Variants in RBMS3 observed in about 807,000 individuals in gnomAD.
The protein encoded by RBMS3 is RNA binding motif single stranded interacting protein 3, also known as RNA-binding motif, single-stranded-interacting protein 3.
A neutral mutation model predicts 66.8 loss-of-function variants in RBMS3; 27 were observed. That is an observed-to-expected ratio of 0.40 (90% CI 0.30 to 0.56). RBMS3 has a LOEUF of 0.56. Ranked by LOEUF, RBMS3 falls within the 20% of genes least tolerant of loss-of-function variation. The probability of loss-of-function intolerance (pLI) is 0.40; values close to 1 mark genes in which losing one functional copy is unlikely to be tolerated. For missense variants in RBMS3, 513 were observed against 549.5 expected, an observed-to-expected ratio of 0.93 and a Z score of 0.66; for synonymous variants, 188 against 183.0, an observed-to-expected ratio of 1.03 and a Z score of -0.22.
chr3:29,412,425 C>T (rs1352976992), intron 1 of RBMS3, among the ~76,000 whole-genome samples: 7 of 151,998 alleles, frequency 4.6e-5, no homozygotes, highest in Admixed American at 4.6e-4. Context: ...ACCACAGCCC[C>T]AGAAGCATAA....
chr3:29,350,535 T>A (rs1284971052), intron 1 of RBMS3, among the ~76,000 whole-genome samples: 1 of 152,142 alleles, frequency 6.6e-6, no homozygotes, highest in African/African-American at 2.4e-5. Flanking sequence ...CCTAAGCATC[T>A]CATGTATGTA....
intron 2 of RBMS3, among the ~76,000 whole-genome samples, chr3:29,460,332 T>C (rs1249396061): frequency 3.9e-5 from 6 of 152,248 alleles, no homozygotes; most frequent in Admixed American, 3.9e-4. Context: ...TTTGTGTGTT[T>C]TCCACATAGT....
chr3:29,326,952 G>A (rs1284592209), intron 1 of RBMS3, among the ~76,000 whole-genome samples: 4 of 152,010 alleles, frequency 2.6e-5, no homozygotes, highest in Non-Finnish European at 1.5e-5. Flanking sequence ...GGATGGTCTC[G>A]ATCTCCTGAC....
Position 29,739,734 on chromosome 3 carries a change from C to A in RBMS3, c.414C>A (p.Asp138Glu). Residue 138 changes from aspartate (D) to glutamate (E), a missense_variant, in exon 5 of 15, where the codon GAC becomes GAA. Asp to Glu is a conservative substitution (Grantham distance 45). Coordinates refer to ENST00000383767, the MANE Select transcript of RBMS3 (RefSeq NM_001003793.3). Reference sequence around the variant, plus strand: ...CCTTCCCTTAGCAACAAGAGCAAGACCCAACAAACCTATACATCTCAAATC... The same window carrying A: ...CCTTCCCTTAGCAACAAGAGCAAGAACCAACAAACCTATACATCTCAAATC... Reference protein sequence around the residue: ...QAQMAKQQEQDPTNLYISNLP... With the variant: ...QAQMAKQQEQEPTNLYISNLP... The A allele has an allele frequency of 6.2e-7, 1 of 1,603,372 alleles. No individual in the cohort carries two copies. Among genetic ancestry groups the A allele is most frequent in the Non-Finnish European group, 8.5e-7 (1 of 1,176,264 alleles).
chr3:29,898,560 T>A (rs1372302782), intron 9 of RBMS3, among the ~76,000 whole-genome samples: 1 of 151,686 alleles, frequency 6.6e-6, no homozygotes, highest in Non-Finnish European at 1.5e-5. Flanking sequence ...TTTCTTTCTT[T>A]TTCTGCACTC....
At chr3:29,636,367 A>G (rs942812090) in intron 4 of RBMS3, among the ~76,000 whole-genome samples, 3 of 151,910 alleles carry the variant, frequency 2.0e-5, no homozygotes. Flanking sequence ...TATCCTTTGA[A>G]GTTAATGATA....
intron 10 of RBMS3, among the ~76,000 whole-genome samples, chr3:29,928,207 T>TACAC (rs1462382952): frequency 7.8e-4 from 88 of 112,240 alleles, no homozygotes; most frequent in African/African-American, 2.0e-3. Context: ...TATATATATA[T>TACAC]ATATACACAC....
chr3:29,521,046 A>G (rs2044837909), intron 3 of RBMS3, among the ~76,000 whole-genome samples: 1 of 151,984 alleles, frequency 6.6e-6, no homozygotes, highest in African/African-American at 2.4e-5. Flanking sequence ...TTATTATCTA[A>G]AATAGCACCC....
At chr3:29,563,320 T>C (rs993152631) in intron 3 of RBMS3, among the ~76,000 whole-genome samples, 1 of 152,238 alleles carries the variant, frequency 6.6e-6, no homozygotes, top group Admixed American at 6.5e-5. Context: ...AACACTCTCC[T>C]AAATTGCTTG....
chr3:29,646,723 C>A (rs2049937085), intron 4 of RBMS3, among the ~76,000 whole-genome samples: 1 of 150,364 alleles, frequency 6.7e-6, no homozygotes, highest in Non-Finnish European at 1.5e-5. Context: ...TTCTTCCCTT[C>A]CCTTCCCTGT....
chr3:29,978,275 G>A (rs1363407183), intron 12 of RBMS3, among the ~76,000 whole-genome samples: 1 of 152,156 alleles, frequency 6.6e-6, no homozygotes, highest in East Asian at 1.9e-4. Flanking sequence ...GTCACTTCCT[G>A]AGGATTTACC....
intron 1 of RBMS3, among the ~76,000 whole-genome samples, chr3:29,431,470 T>C (rs759023849): frequency 1.3e-4 from 19 of 151,954 alleles, no homozygotes; most frequent in Non-Finnish European, 2.4e-4. Flanking sequence ...TTTTTGTATT[T>C]TTAGTAGAGA....
chr3:29,549,634 A>G (rs1232385370), intron 3 of RBMS3, among the ~76,000 whole-genome samples: 1 of 152,060 alleles, frequency 6.6e-6, no homozygotes, highest in Non-Finnish European at 1.5e-5. Flanking sequence ...ACCTGACCTC[A>G]GGTGATTCGC....
chr3:29,756,673 C>A (rs2055429626), intron 5 of RBMS3, among the ~76,000 whole-genome samples: 2 of 152,092 alleles, frequency 1.3e-5, no homozygotes, highest in South Asian at 4.1e-4. Context: ...GGGGACACAG[C>A]AAAACCATAT....
intron 6 of RBMS3, among the ~76,000 whole-genome samples, chr3:29,828,978 C>CT (rs977862477): frequency 1.7e-4 from 1 of 6,052 alleles, no homozygotes; most frequent in Non-Finnish European, 4.2e-4. Context: ...TAGCGAGTGA[C>CT]TTTCTTTCTT....
intron 1 of RBMS3, among the ~76,000 whole-genome samples, chr3:29,345,155 C>T (rs749035805): frequency 6.6e-6 from 1 of 152,182 alleles, no homozygotes; most frequent in Non-Finnish European, 1.5e-5. Flanking sequence ...TGACTGGGGT[C>T]CTCCCATTCA....
chr3:29,574,102 G>A (rs759827871), intron 3 of RBMS3, among the ~76,000 whole-genome samples: 1 of 152,106 alleles, frequency 6.6e-6, no homozygotes, highest in Non-Finnish European at 1.5e-5. Context: ...GATTAACTCT[G>A]ATGTTTCTTT....
intron 3 of RBMS3, among the ~76,000 whole-genome samples, chr3:29,534,229 A>T (rs2045468982): frequency 6.6e-6 from 1 of 152,194 alleles, no homozygotes; most frequent in Non-Finnish European, 1.5e-5. Flanking sequence ...CAACATCCTG[A>T]GCTAAGCCTT....
At chr3:29,414,833 C>T (rs757840351) in intron 1 of RBMS3, among the ~76,000 whole-genome samples, 6 of 152,122 alleles carry the variant, frequency 3.9e-5, no homozygotes, top group African/African-American at 9.7e-5. Flanking sequence ...GAATATGCCA[C>T]GTTTAGGGCA....
Sources: gnomAD v4.1 joint callset for allele counts (sites outside exome capture counted in the v4.1 genomes callset) on GRCh38, gnomAD v4.1.1 for gene constraint, MANE v1.5 for transcripts, NCBI Gene and HGNC (gene_info 2026-07-23, HGNC 2026-07-21) for gene names.